SMYD3: variants seen among roughly 807,000 people sequenced by gnomAD.
SMYD3 encodes SET and MYND domain containing 3, also known as histone-lysine N-methyltransferase SMYD3.
A neutral mutation model predicts 57.7 loss-of-function variants in SMYD3; 36 were observed. The ratio of observed to expected loss-of-function variants is 0.62; its 90% CI spans 0.48 to 0.82. The LOEUF is 0.82. Ranked by LOEUF, SMYD3 falls within the 40% of genes least tolerant of loss-of-function variation. The pLI, the probability that SMYD3 is intolerant of heterozygous loss-of-function variation, is 0.00. For synonymous variants in SMYD3, 211 were observed against 195.0 expected (o/e 1.08, Z -0.68); for missense variants, 515 against 538.8 (o/e 0.96, Z 0.44).
intron 1 of SMYD3, among the ~76,000 whole-genome samples, chr1:246,367,458 G>A (rs1315446312): frequency 6.6e-6 from 1 of 152,218 alleles, no homozygotes; most frequent in Non-Finnish European, 1.5e-5. Flanking sequence ...GCTGTTTGCA[G>A]AGTGTTTGTC....
At chr1:245,862,785 C>G (rs2051624898) in intron 9 of SMYD3, among the ~76,000 whole-genome samples, 1 of 152,156 alleles carries the variant, frequency 6.6e-6, no homozygotes, top group African/African-American at 2.4e-5. Context: ...CAAACTTTAC[C>G]AAAGAAAGCT....
At chr1:246,259,356 A>G (rs2063957666) in intron 5 of SMYD3, among the ~76,000 whole-genome samples, 1 of 152,092 alleles carries the variant, frequency 6.6e-6, no homozygotes, top group Non-Finnish European at 1.5e-5. Context: ...TTTTGTAATT[A>G]TTTTCATGTA....
chr1:246,041,583 T>C (rs191562360), intron 5 of SMYD3, among the ~76,000 whole-genome samples: 135 of 152,296 alleles, frequency 8.9e-4, no homozygotes, highest in Non-Finnish European at 1.7e-3. Context: ...ATGCACACGA[T>C]AAGTCCAAGA....
chr1:245,996,316 C>T (rs1001645014), intron 5 of SMYD3, among the ~76,000 whole-genome samples: 1 of 152,126 alleles, frequency 6.6e-6, no homozygotes, highest in Admixed American at 6.5e-5. Flanking sequence ...TCATAACTTC[C>T]CTAGACTCTT....
intron 5 of SMYD3, among the ~76,000 whole-genome samples, chr1:246,038,364 T>A (rs933320113): frequency 1.3e-5 from 2 of 152,158 alleles, no homozygotes; most frequent in Admixed American, 1.3e-4. Flanking sequence ...AGAGTCTTCT[T>A]AATGAGACAA....
At chr1:246,276,149 A>G (rs2064327373) in intron 5 of SMYD3, among the ~76,000 whole-genome samples, 1 of 123,772 alleles carries the variant, frequency 8.1e-6, no homozygotes, top group African/African-American at 2.8e-5. Flanking sequence ...TAATGTCTGT[A>G]GTGGAGTCTG....
chr1:245,793,631 C>T (rs182094754), intron 10 of SMYD3, among the ~76,000 whole-genome samples: 76 of 152,056 alleles, frequency 5.0e-4, no homozygotes, highest in Non-Finnish European at 9.6e-4. Flanking sequence ...CTGCCCTCCC[C>T]TGCTCTGCCC....
chr1:246,154,362 C>G (rs371059450), intron 5 of SMYD3, among the ~76,000 whole-genome samples: 2 of 152,210 alleles, frequency 1.3e-5, no homozygotes, highest in African/African-American at 4.8e-5. Flanking sequence ...GGTAAGTAAT[C>G]TGCCCCAGTG....
chr1:245,828,268 T>C (rs1048541956), intron 10 of SMYD3, among the ~76,000 whole-genome samples: 3 of 152,218 alleles, frequency 2.0e-5, no homozygotes, highest in Admixed American at 2.0e-4. Flanking sequence ...TAACATTTTA[T>C]AACCTCAAAA....
intron 8 of SMYD3, among the ~76,000 whole-genome samples, chr1:245,866,015 G>A (rs779886916): frequency 1.3e-5 from 2 of 152,124 alleles, no homozygotes; most frequent in Non-Finnish European, 2.9e-5. Flanking sequence ...GGTGAGGAAC[G>A]AGGGACATTT....
intron 5 of SMYD3, among the ~76,000 whole-genome samples, chr1:246,089,479 C>G (rs2060783148): frequency 6.6e-6 from 1 of 152,128 alleles, no homozygotes; most frequent in South Asian, 2.1e-4. Context: ...GCATATCCAA[C>G]CCATCCCTAT....
intron 5 of SMYD3, among the ~76,000 whole-genome samples, chr1:246,190,861 GA>G (rs1489429385): frequency 6.6e-6 from 1 of 152,048 alleles, no homozygotes; most frequent in East Asian, 1.9e-4. Flanking sequence ...AAGTAGAACA[GA>G]AGAAGGAAAG....
intron 10 of SMYD3, among the ~76,000 whole-genome samples, chr1:245,777,491 T>A (rs2046653531): frequency 6.6e-6 from 1 of 152,066 alleles, no homozygotes; most frequent in Non-Finnish European, 1.5e-5. Context: ...CCATCTACCA[T>A]TCACCCCCAA....
chr1:245,912,210 T>C (rs1446991860), intron 8 of SMYD3, among the ~76,000 whole-genome samples: 2 of 151,986 alleles, frequency 1.3e-5, no homozygotes, highest in Non-Finnish European at 2.9e-5. Flanking sequence ...TATACACCAA[T>C]AATGAACTAC....
chr1:246,162,453 T>C (rs755413160), intron 5 of SMYD3, among the ~76,000 whole-genome samples: 1 of 152,186 alleles, frequency 6.6e-6, no homozygotes, highest in Non-Finnish European at 1.5e-5. Flanking sequence ...GTAAGGCATA[T>C]TAATTATTTT....
At chr1:245,782,312 G>T (rs531211132) in intron 10 of SMYD3, among the ~76,000 whole-genome samples, 1 of 152,236 alleles carries the variant, frequency 6.6e-6, no homozygotes, top group African/African-American at 2.4e-5. Context: ...ACAGTTTTTG[G>T]TAAAGCACAA....
chr1:246,327,426 A>AT, intron 4 of SMYD3, 89 bp from the exon 5 acceptor site: 1 of 1,130,094 alleles, frequency 8.8e-7, no homozygotes, highest in Non-Finnish European at 1.3e-6. Context: ...GTTAAACCAG[A>AT]TATTTCCTAC....
intron 10 of SMYD3, among the ~76,000 whole-genome samples, chr1:245,806,916 CAAAAAAA>C (rs112012738): frequency 3.1e-4 from 13 of 41,330 alleles, no homozygotes; most frequent in African/African-American, 9.1e-4. Flanking sequence ...GACTCCGTCT[CAAAAAAA>C]AAAAAAAAAA....
intron 8 of SMYD3, among the ~76,000 whole-genome samples, chr1:245,896,399 A>AAAAAAC (rs1558469928): frequency 2.0e-5 from 3 of 151,084 alleles, no homozygotes; most frequent in African/African-American, 7.3e-5. Context: ...CAAAAAAAAA[A>AAAAAAC]AAAAAAACAG....
Sources: gnomAD v4.1 joint callset for allele counts (sites outside exome capture counted in the v4.1 genomes callset) on GRCh38, gnomAD v4.1.1 for gene constraint, MANE v1.5 for transcripts, NCBI Gene and HGNC (gene_info 2026-07-23, HGNC 2026-07-21) for gene names.